Variants in ACYP2 observed in about 807,000 individuals in gnomAD.
The protein encoded by ACYP2 is acylphosphatase-2.
In ACYP2, 12 loss-of-function variants were observed where a neutral mutation model predicts 11.2. The ratio of observed to expected loss-of-function variants is 1.08; its 90% CI spans 0.69 to 1.74. ACYP2 has a LOEUF of 1.74. Ranked by LOEUF, ACYP2 falls within the 40% of genes most tolerant of loss-of-function variation. The pLI is 0.00. For missense variants in ACYP2, 134 were observed against 101.9 expected, an observed-to-expected ratio of 1.31 and a Z score of -1.35; for synonymous variants, 43 against 32.2, an observed-to-expected ratio of 1.33 and a Z score of -1.13.
chr2:54,019,140 C>T (rs1375671784), intron 2 of ACYP2, among the ~76,000 whole-genome samples: 6 of 151,698 alleles, frequency 4.0e-5, no homozygotes, highest in Non-Finnish European at 2.9e-5. Context: ...AATCATGGCT[C>T]ACTGCAGCTT....
At chr2:54,114,022 A>G (rs1281918702) in intron 4 of ACYP2, among the ~76,000 whole-genome samples, 1 of 152,064 alleles carries the variant, frequency 6.6e-6, no homozygotes, top group East Asian at 1.9e-4. Flanking sequence ...CATTTCCAGA[A>G]TATATTTTAC....
chr2:54,115,955 A>G (rs1362345460), intron 4 of ACYP2, among the ~76,000 whole-genome samples, 199 bp downstream of exon 1: 1 of 150,194 alleles, frequency 6.7e-6, no homozygotes, highest in African/African-American at 2.5e-5. Flanking sequence ...AAGTACGGGA[A>G]TGGGGAGGGA....
At chr2:54,106,880 G>A (rs971933245) in intron 4 of ACYP2, among the ~76,000 whole-genome samples, 5 of 152,040 alleles carry the variant, frequency 3.3e-5, no homozygotes, top group South Asian at 2.1e-4. Context: ...CACCATGCCC[G>A]GCCAAATTTT....
chr2:54,001,813 A>G (rs1187375008), intron 2 of ACYP2, among the ~76,000 whole-genome samples: 2 of 152,226 alleles, frequency 1.3e-5, no homozygotes, highest in African/African-American at 4.8e-5. Context: ...TCCTCCTGCC[A>G]TGGCTTGGTT....
At chr2:54,201,642 C>CTTTCTTTCTTTGTTTCTT (rs1553391370) in intron 6 of ACYP2, among the ~76,000 whole-genome samples, 3,838 of 77,696 alleles carry the variant, frequency 0.049, 193 homozygotes, top group Non-Finnish European at 0.068. Context: ...CTTTCTCTTT[C>CTTTCTTTCTTTGTTTCTT]TTTCTTTCTT....
intron 6 of ACYP2, among the ~76,000 whole-genome samples, chr2:54,221,456 A>G (rs1156768452): frequency 1.3e-5 from 2 of 152,076 alleles, no homozygotes; most frequent in African/African-American, 4.8e-5. Flanking sequence ...ACGAATTATA[A>G]AACACCAATT....
At chr2:54,014,638 T>A (rs1460091630) in intron 2 of ACYP2, among the ~76,000 whole-genome samples, 1 of 152,174 alleles carries the variant, frequency 6.6e-6, no homozygotes, top group Non-Finnish European at 1.5e-5. Context: ...ATGCCTTTTT[T>A]AAATAAGCTC....
At chr2:54,101,542 G>A (rs904984413) in intron 4 of ACYP2, among the ~76,000 whole-genome samples, 9 of 151,866 alleles carry the variant, frequency 5.9e-5, no homozygotes, top group African/African-American at 1.2e-4. Context: ...GGTGGAGCGC[G>A]CCTGTAATCC....
At chr2:53,994,735 A>G (rs757797694) in intron 2 of ACYP2, among the ~76,000 whole-genome samples, 1 of 152,190 alleles carries the variant, frequency 6.6e-6, no homozygotes, top group African/African-American at 2.4e-5. Context: ...TAGGATAGCA[A>G]TTTTATTCCC....
intron 6 of ACYP2, among the ~76,000 whole-genome samples, chr2:54,296,415 A>G (rs1267497207): frequency 6.6e-6 from 1 of 152,238 alleles, no homozygotes; most frequent in East Asian, 1.9e-4. Flanking sequence ...TAGGAACAAA[A>G]AATATGGCAC....
chr2:54,095,455 G>A (rs1678481009), intron 4 of ACYP2, among the ~76,000 whole-genome samples: 1 of 151,854 alleles, frequency 6.6e-6, no homozygotes, highest in African/African-American at 2.4e-5. Flanking sequence ...TTCCCAGTAG[G>A]GGCGGCCGGG....
intron 6 of ACYP2, among the ~76,000 whole-genome samples, chr2:54,290,288 T>C (rs1187307577): frequency 6.6e-6 from 1 of 151,998 alleles, no homozygotes; most frequent in African/African-American, 2.4e-5. Context: ...AGACGTGGTT[T>C]TTATAACCAT....
At chr2:54,086,572 T>C (rs1677959132) in intron 4 of ACYP2, among the ~76,000 whole-genome samples, 1 of 152,258 alleles carries the variant, frequency 6.6e-6, no homozygotes, top group African/African-American at 2.4e-5. Flanking sequence ...TATTATCATT[T>C]TGGTCTGAGA....
chr2:54,238,649 T>TTA (rs139029220), intron 6 of ACYP2, among the ~76,000 whole-genome samples: 2,732 of 152,226 alleles, frequency 0.018, 92 homozygotes, highest in African/African-American at 0.061. Context: ...CTCATTTAGT[T>TTA]TAGGCATATG....
chr2:54,175,263 G>T (rs1312293702), intron 6 of ACYP2, among the ~76,000 whole-genome samples: 1 of 152,132 alleles, frequency 6.6e-6, no homozygotes, highest in African/African-American at 2.4e-5. Flanking sequence ...TCTTGGGAGG[G>T]TGTATGTGTC....
intron 6 of ACYP2, among the ~76,000 whole-genome samples, chr2:54,143,872 C>G (rs1681755257): frequency 6.6e-6 from 1 of 150,844 alleles, no homozygotes. Flanking sequence ...ATCAGAATTA[C>G]TGTTCTTAGG....
At chr2:54,187,327 C>T (rs1246761901) in intron 6 of ACYP2, among the ~76,000 whole-genome samples, 1 of 152,186 alleles carries the variant, frequency 6.6e-6, no homozygotes, top group Non-Finnish European at 1.5e-5. Flanking sequence ...GGTGGCAGGC[C>T]TTGGGGAACC....
chr2:54,269,848 G>A (rs1051437805), intron 6 of ACYP2, among the ~76,000 whole-genome samples: 5 of 151,862 alleles, frequency 3.3e-5, no homozygotes, highest in Admixed American at 6.6e-5. Context: ...GTTTTTCTAC[G>A]TGTATAATAT....
chr2:54,062,102 G>A (rs991792693), intron 4 of ACYP2, among the ~76,000 whole-genome samples: 4 of 152,082 alleles, frequency 2.6e-5, no homozygotes, highest in African/African-American at 9.7e-5. Context: ...TTATTAAAAG[G>A]GGGCATTGGG....
Sources: gnomAD v4.1 joint callset for allele counts (sites outside exome capture counted in the v4.1 genomes callset) on GRCh38, gnomAD v4.1.1 for gene constraint, MANE v1.5 for transcripts, NCBI Gene and HGNC (gene_info 2026-07-23, HGNC 2026-07-21) for gene names.